The following PTPRG variants were observed in gnomAD, a reference collection of about 807,000 sequenced individuals.
The protein encoded by PTPRG is protein tyrosine phosphatase receptor type G.
PTPRG carries 102 observed loss-of-function variants against 165.3 expected under a neutral mutation model. The ratio of observed to expected loss-of-function variants is 0.62; its 90% CI spans 0.53 to 0.73. PTPRG has a LOEUF of 0.73. Ranked by LOEUF, PTPRG falls within the 30% of genes least tolerant of loss-of-function variation. The probability of loss-of-function intolerance (pLI) is 0.00; values close to 1 mark genes in which losing one functional copy is unlikely to be tolerated. For synonymous variants in PTPRG, 675 were observed against 669.5 expected, an observed-to-expected ratio of 1.01 and a Z score of -0.13; for missense variants, 1,866 against 1,861.4, an observed-to-expected ratio of 1.00 and a Z score of -0.05.
At chr3:61,888,219 G>GTGTA (rs1559670935) in intron 2 of PTPRG, among the ~76,000 whole-genome samples, 1 of 151,792 alleles carries the variant, frequency 6.6e-6, no homozygotes, top group African/African-American at 2.4e-5. Flanking sequence ...GTGTGTGTGT[G>GTGTA]TGTCTGTCTG....
intron 1 of PTPRG, among the ~76,000 whole-genome samples, chr3:61,705,198 T>A (rs1214400800): frequency 6.6e-6 from 1 of 152,152 alleles, no homozygotes; most frequent in Non-Finnish European, 1.5e-5. Context: ...TTGGGGCACC[T>A]GAGAGTTGAA....
At chr3:61,791,103 T>C (rs2034855520) in intron 2 of PTPRG, among the ~76,000 whole-genome samples, 2 of 152,166 alleles carry the variant, frequency 1.3e-5, no homozygotes, top group Non-Finnish European at 2.9e-5. Context: ...GGAAGAAGTA[T>C]GGTATAATTT....
At chr3:61,846,484 T>G (rs1358963877) in intron 2 of PTPRG, among the ~76,000 whole-genome samples, 2 of 152,166 alleles carry the variant, frequency 1.3e-5, no homozygotes, top group Non-Finnish European at 2.9e-5. Context: ...TCATTGACCT[T>G]GAATAAAGTA....
intron 4 of PTPRG, among the ~76,000 whole-genome samples, chr3:62,061,627 CTTTTCT>C (rs1252918151): frequency 1.7e-5 from 2 of 115,352 alleles, no homozygotes; most frequent in Non-Finnish European, 1.8e-5. Flanking sequence ...TTTCTCTTTT[CTTTTCT>C]TTTTTTTTTT....
At chr3:61,940,261 T>G (rs1015162707) in intron 2 of PTPRG, among the ~76,000 whole-genome samples, 5 of 152,226 alleles carry the variant, frequency 3.3e-5, no homozygotes, top group Non-Finnish European at 7.3e-5. Flanking sequence ...CTGACTTGTT[T>G]TTAATGTGGT....
At chr3:62,046,166 A>G (rs1407498342) in intron 4 of PTPRG, among the ~76,000 whole-genome samples, 1 of 152,166 alleles carries the variant, frequency 6.6e-6, no homozygotes, top group South Asian at 2.1e-4. Flanking sequence ...ACAGAAGGCC[A>G]GTTATAACCT....
intron 1 of PTPRG, among the ~76,000 whole-genome samples, chr3:61,653,900 G>A (rs1416827716): frequency 9.5e-6 from 1 of 105,708 alleles, no homozygotes. Flanking sequence ...GGGGAGCGGT[G>A]GGGGGCGCGG....
Position 62,252,869 on chromosome 3 carries a change from G to T in PTPRG, c.2468-2255G>T, listed in dbSNP as rs1417888630. Among the ~76,000 whole-genome samples the T allele has an allele frequency of 6.6e-6, 1 of 152,124 alleles. No homozygotes were observed. The highest frequency in any genetic ancestry group is 2.4e-5 in the African/African-American group (1 of 41,416). On this transcript the variant is annotated intron_variant, in intron 15 of 29. Coordinates refer to ENST00000474889, the MANE Select transcript of PTPRG (RefSeq NM_002841.4). The surrounding 1 kb of genome is among the most constrained non-coding windows in gnomAD (Gnocchi z 4.6). ...CATCTGTATGTATGTCCGCCTGTCT[G>T]GTACTTTTGTGACATTATTGGTGGT...
At chr3:61,704,613 C>T (rs577574412) in intron 1 of PTPRG, among the ~76,000 whole-genome samples, 2 of 148,116 alleles carry the variant, frequency 1.4e-5, no homozygotes, top group African/African-American at 2.5e-5. Flanking sequence ...AGCCACTAGT[C>T]TTATGTTAAA....
At position 61,805,041 on chromosome 3, in the gene PTPRG, C is replaced by T. The variant is rs1276823092; in HGVS notation, c.190+56059C>T. 3.9e-5 allele frequency among the ~76,000 whole-genome samples: 6 copies of T among 152,280 alleles called. No individual in the cohort carries two copies. In the East Asian group the frequency reaches 5.8e-4, roughly 15 times the overall value. The stretch of plus-strand genomic sequence containing the variant: ...GCTTCACTGGTGATGAGGACACAGG[C>T]GCCTGAAACCCAGAGGCAGGGTGGA... On this transcript the variant is annotated intron_variant, in intron 2 of 29. Coordinates refer to ENST00000474889, the MANE Select transcript of PTPRG (RefSeq NM_002841.4).
intron 2 of PTPRG, among the ~76,000 whole-genome samples, chr3:61,936,330 A>G (rs1328043897): frequency 6.6e-6 from 1 of 152,342 alleles, no homozygotes; most frequent in Middle Eastern, 3.4e-3. Flanking sequence ...TAACTTGCCC[A>G]TGAATTCTTT....
chr3:61,978,040 C>T (rs771869078), intron 2 of PTPRG, among the ~76,000 whole-genome samples: 3 of 152,288 alleles, frequency 2.0e-5, no homozygotes, highest in Middle Eastern at 3.4e-3. Context: ...TTAGTAGAGA[C>T]GGGGTTTCGC....
chr3:62,133,451 A>T (rs936894996), intron 6 of PTPRG, among the ~76,000 whole-genome samples: 19 of 152,188 alleles, frequency 1.2e-4, no homozygotes, highest in African/African-American at 4.6e-4. Context: ...AAACATCTTC[A>T]CACCTTTTTG....
At chr3:62,251,547 G>T (rs1701419014) in intron 15 of PTPRG, among the ~76,000 whole-genome samples, 1 of 152,002 alleles carries the variant, frequency 6.6e-6, no homozygotes, top group Admixed American at 6.6e-5. Flanking sequence ...GGGGTGGGAG[G>T]ATCACTTGAG....
intron 2 of PTPRG, among the ~76,000 whole-genome samples, chr3:61,784,534 C>T (rs1017166392): frequency 6.6e-6 from 1 of 152,106 alleles, no homozygotes; most frequent in Non-Finnish European, 1.5e-5. Flanking sequence ...GGTAAGTTAG[C>T]AGCTGACATC....
At chr3:62,080,061 C>CTTTTTTTTTTTTTTTTT (rs774262138) in intron 5 of PTPRG, among the ~76,000 whole-genome samples, 1 of 111,568 alleles carries the variant, frequency 9.0e-6, no homozygotes, top group African/African-American at 3.6e-5. Flanking sequence ...CCCTTCGGTT[C>CTTTTTTTTTTTTTTTTT]ATTTTTTTTT....
At chr3:62,081,425 C>T (rs1257883395) in intron 5 of PTPRG, among the ~76,000 whole-genome samples, 1 of 152,134 alleles carries the variant, frequency 6.6e-6, no homozygotes, top group Non-Finnish European at 1.5e-5. Flanking sequence ...TCACTACAGC[C>T]TCCAACTCCT....
chr3:61,784,701 T>C (rs2034644009), intron 2 of PTPRG, among the ~76,000 whole-genome samples: 1 of 152,230 alleles, frequency 6.6e-6, no homozygotes, highest in South Asian at 2.1e-4. Context: ...CCTTTCCATT[T>C]TTACATGTAG....
intron 2 of PTPRG, among the ~76,000 whole-genome samples, chr3:61,962,626 G>A (rs912023678): frequency 3.3e-5 from 5 of 152,154 alleles, no homozygotes; most frequent in South Asian, 4.1e-4. Flanking sequence ...AAGCGGGAAC[G>A]TATTTATTGA....
Sources: gnomAD v4.1 joint callset for allele counts (sites outside exome capture counted in the v4.1 genomes callset) on GRCh38, gnomAD v4.1.1 for gene constraint, Gnocchi (gnomAD v3.1) non-coding constraint, MANE v1.5 for transcripts, NCBI Gene and HGNC (gene_info 2026-07-23, HGNC 2026-07-21) for gene names.